The following FMN2 variants were observed in gnomAD, a reference collection of about 807,000 sequenced individuals.
FMN2 encodes the protein formin-2.
FMN2 carries 51 observed loss-of-function variants against 142.3 expected under a neutral mutation model. The ratio of observed to expected loss-of-function variants is 0.36; its 90% CI spans 0.29 to 0.45. The LOEUF (loss-of-function observed/expected upper bound fraction) is 0.45, where lower values mean the gene tolerates loss of function less well. Ranked by LOEUF, FMN2 falls within the 20% of genes least tolerant of loss-of-function variation. The pLI, the probability that FMN2 is intolerant of heterozygous loss-of-function variation, is 1.00. For missense variants in FMN2, 1,936 were observed against 2,122.8 expected, an observed-to-expected ratio of 0.91 and a Z score of 1.73; for synonymous variants, 882 against 869.8, an observed-to-expected ratio of 1.01 and a Z score of -0.25.
At chr1:240,293,796 C>T (rs1235595431) in intron 7 of FMN2, among the ~76,000 whole-genome samples, 2 of 152,060 alleles carry the variant, frequency 1.3e-5, no homozygotes, top group African/African-American at 4.8e-5. Context: ...CTTCCCAGCT[C>T]CAAATACAAA....
At chr1:240,189,187 C>T (rs1405607666) in intron 4 of FMN2, among the ~76,000 whole-genome samples, 1 of 133,152 alleles carries the variant, frequency 7.5e-6, no homozygotes, top group South Asian at 2.4e-4. Context: ...AAAAAAAAAA[C>T]TGCAAGAAAG....
intron 6 of FMN2, among the ~76,000 whole-genome samples, chr1:240,246,052 T>C (rs930692109): frequency 2.6e-5 from 4 of 152,104 alleles, no homozygotes; most frequent in Admixed American, 2.6e-4. Flanking sequence ...TGGTGGCGGA[T>C]GCCTGTAGTC....
chr1:240,224,432 ATGTGGTGC>A (rs3049039), intron 6 of FMN2, among the ~76,000 whole-genome samples: 47,709 of 151,542 alleles, frequency 0.31, 8,346 homozygotes, highest in African/African-American at 0.48. Context: ...AATAAGTGCG[ATGTGGTGC>A]TGAGAAGAAT....
At chr1:240,295,835 C>G (rs1329887757) in intron 8 of FMN2, among the ~76,000 whole-genome samples, 2 of 152,202 alleles carry the variant, frequency 1.3e-5, no homozygotes, top group African/African-American at 4.8e-5. Context: ...TGAGCAACAC[C>G]TACACTGCTT....
intron 16 of FMN2, among the ~76,000 whole-genome samples, chr1:240,446,658 A>T (rs1675827211): frequency 1.3e-5 from 2 of 152,336 alleles, no homozygotes; most frequent in African/African-American, 2.4e-5. Context: ...GATACTTTCA[A>T]ATGGTTATAA....
chr1:240,414,995 A>G (rs1024550243), intron 15 of FMN2, among the ~76,000 whole-genome samples: 2 of 152,196 alleles, frequency 1.3e-5, no homozygotes, highest in African/African-American at 4.8e-5. Flanking sequence ...AAATGCCATC[A>G]TCTCCCCAAG....
At chr1:240,344,941 A>G (rs1181820694) in intron 13 of FMN2, among the ~76,000 whole-genome samples, 1 of 152,210 alleles carries the variant, frequency 6.6e-6, no homozygotes, top group Non-Finnish European at 1.5e-5. Context: ...TGTTTCTTTC[A>G]GGGACCTGGT....
Position 240,143,021 on chromosome 1 carries a change from C to T in FMN2, c.1782+19676C>T, listed in dbSNP as rs979721609. 2.7e-6 allele frequency: 4 copies of T among 1,506,990 alleles called. No homozygotes were observed. In the East Asian group the frequency reaches 9.0e-5, roughly 34 times the overall value. 93.4% of individuals were successfully genotyped at this position (1,506,990 alleles called of 1,614,324 possible). On this transcript the variant is annotated intron_variant, in intron 2 of 17. Coordinates refer to ENST00000319653, the MANE Select transcript of FMN2 (RefSeq NM_020066.5). ...GCACGGTGAGCAGCCCAGCCATGGCCACTGGACTCATAAGCTGCCAGTCAC... is the reference window on the plus strand; with the variant it reads ...GCACGGTGAGCAGCCCAGCCATGGCTACTGGACTCATAAGCTGCCAGTCAC...
At chr1:240,254,697 G>A (rs114995568) in intron 6 of FMN2, among the ~76,000 whole-genome samples, 119 of 152,210 alleles carry the variant, frequency 7.8e-4, no homozygotes, top group African/African-American at 2.8e-3. Context: ...TCCATATGGC[G>A]GCTGCAAGAG....
intron 6 of FMN2, among the ~76,000 whole-genome samples, chr1:240,252,824 AT>A (rs1283530283): frequency 6.0e-5 from 9 of 150,812 alleles, no homozygotes; most frequent in South Asian, 4.2e-4. Context: ...AGACTTGGGA[AT>A]TTTTTTTAGC....
chr1:240,184,236 CTTTTTTTTTTTT>C (rs34050336), intron 3 of FMN2, among the ~76,000 whole-genome samples: 3 of 79,450 alleles, frequency 3.8e-5, no homozygotes, highest in Admixed American at 3.8e-4. Context: ...AATATTTAAC[CTTTTTTTTTTTT>C]TTTTTTTTTT....
In FMN2 at chr1:240,123,361, C is replaced by G. The variant is rs1350719824; in HGVS notation, c.1782+16C>G. ...TTCGTTTGATGTAAGTAGGAGAATT[C>G]ACTTCTGTCCGTGAGGCAGATTTGC... On this transcript the variant is annotated intron_variant, in intron 2 of 17. Coordinates refer to ENST00000319653, the MANE Select transcript of FMN2 (RefSeq NM_020066.5). 3 of 1,606,670 alleles carry G rather than the reference C, an allele frequency of 1.9e-6. No individual in the cohort carries two copies. The South Asian group carries it at 3.3e-5, about 18-fold the overall frequency.
intron 15 of FMN2, among the ~76,000 whole-genome samples, chr1:240,419,516 C>T (rs1448169619): frequency 6.6e-6 from 1 of 152,064 alleles, no homozygotes; most frequent in African/African-American, 2.4e-5. Context: ...GTACTTTTGC[C>T]AGGATTCCAT....
At chr1:240,328,989 C>A (rs1671290211) in intron 8 of FMN2, 87 bp from the exon 9 acceptor site, 3 of 1,165,182 alleles carry the variant, frequency 2.6e-6, no homozygotes, top group Non-Finnish European at 1.2e-6. Flanking sequence ...GTATTCAGAT[C>A]AGCAAATTTA....
intron 2 of FMN2, chr1:240,171,169 G>C: frequency 1.1e-6 from 1 of 880,962 alleles, no homozygotes. Flanking sequence ...GTTGGTATCT[G>C]AATATGTGTC....
chr1:240,471,699 CT>C (rs543443951), intron 16 of FMN2: 24 of 152,036 alleles, frequency 1.6e-4, no homozygotes, highest in Middle Eastern at 6.8e-3. Flanking sequence ...TTATGTGACA[CT>C]TTTTTTTTGG....
At chr1:240,245,609 C>A in intron 6 of FMN2, 1 of 470,936 alleles carries the variant, frequency 2.1e-6, no homozygotes, top group East Asian at 6.9e-5. Context: ...ATTTACCCTA[C>A]TGCCTAGCAC....
intron 2 of FMN2, among the ~76,000 whole-genome samples, chr1:240,126,222 ATT>A (rs1462896384): frequency 6.6e-6 from 1 of 152,044 alleles, no homozygotes; most frequent in African/African-American, 2.4e-5. Flanking sequence ...GGGGAGAGAA[ATT>A]TTCGATAATT....
intron 16 of FMN2, chr1:240,472,109 G>A: frequency 2.8e-6 from 1 of 351,738 alleles, no homozygotes; most frequent in Non-Finnish European, 5.1e-6. Context: ...TACACACTCT[G>A]CATAGAAATT....
Sources: gnomAD v4.1 joint callset for allele counts (sites outside exome capture counted in the v4.1 genomes callset) on GRCh38, gnomAD v4.1.1 for gene constraint, MANE v1.5 for transcripts, NCBI Gene and HGNC (gene_info 2026-07-23, HGNC 2026-07-21) for gene names.